VWF: variants seen among roughly 807,000 people sequenced by gnomAD.
The protein encoded by VWF is von Willebrand factor, also known as Factor VIII related antigen.
Under a neutral mutation model 308.6 loss-of-function variants are expected in VWF, and 176 were observed. The ratio of observed to expected loss-of-function variants is 0.57; its 90% CI spans 0.50 to 0.65. The LOEUF (loss-of-function observed/expected upper bound fraction) is 0.65, where lower values mean the gene tolerates loss of function less well. Ranked by LOEUF, VWF falls within the 30% of genes least tolerant of loss-of-function variation. The probability of loss-of-function intolerance (pLI) is 0.00; values close to 1 mark genes in which losing one functional copy is unlikely to be tolerated. For synonymous variants in VWF, 1,385 were observed against 1,443.4 expected (o/e 0.96, Z 0.92); for missense variants, 3,146 against 3,648.2 (o/e 0.86, Z 3.55).
rs1944181710 is a variant in VWF, at chr12:6,025,631, A to C, written c.3171T>G (p.Asp1057Glu). The C allele has an allele frequency of 6.4e-7, 1 of 1,570,502 alleles. No homozygotes were observed. Among genetic ancestry groups the C allele is most frequent in the Admixed American group, 1.7e-5 (1 of 59,060 alleles). Reference protein sequence around the residue: ...HNNIMKQTMVDSSCRILTSDV... With the variant: ...HNNIMKQTMVESSCRILTSDV... ...CACTGGTAAGGATTCTACAGGAGGA[A>C]TCCACCATCGTCTGCTTCATGATGT... is the stretch of plus-strand genomic sequence containing the variant. Residue 1057 changes from aspartate (D) to glutamate (E), a missense_variant, in exon 24 of 52, where the codon GAT becomes GAG. By Grantham distance (45) the Asp-to-Glu change is conservative. Coordinates refer to ENST00000261405, the MANE Select transcript of VWF (RefSeq NM_000552.5).
chr12:5,962,308 C>T (rs1041648974), intron 47 of VWF, among the ~76,000 whole-genome samples: 1 of 152,086 alleles, frequency 6.6e-6, no homozygotes, highest in African/African-American at 2.4e-5. Context: ...ACACTTTAAA[C>T]ATTTTTTTAA....
intron 6 of VWF, among the ~76,000 whole-genome samples, chr12:6,091,674 G>T (rs1400366997): frequency 6.6e-6 from 1 of 152,176 alleles, no homozygotes; most frequent in Admixed American, 6.5e-5. Context: ...CTCCTGAGCA[G>T]CTGGGTCTAC....
rs752024798 is a variant in VWF, at chr12:6,033,164, C to T, written c.2685+1524G>A. Among the ~76,000 whole-genome samples the T allele has an allele frequency of 2.6e-5, 4 of 152,246 alleles. 1 individual carries two copies. The highest frequency in any genetic ancestry group is 1.3e-4 in the Admixed American group (2 of 15,304). ...GGCTTTGTGTTAGGTCGATGCATGG[C>T]GAAGGTTAAAAGAGGAAACAAGGGT... On this transcript the variant is annotated intron_variant, in intron 20 of 51. Transcript: ENST00000261405.
rs1471422824 is a variant in VWF at position 6,076,790 on chromosome 12, C to T, written c.658-1239G>A. On this transcript the variant is annotated intron_variant, in intron 6 of 51. Coordinates refer to ENST00000261405, the MANE Select transcript of VWF (RefSeq NM_000552.5). ...TGTACCAAGGGTCTCCAGAGCAAGC[C>T]TGTATAAATCTACAGTCGGGGCCAG... Among the ~76,000 whole-genome samples the T allele has an allele frequency of 3.3e-5, 5 of 152,338 alleles. No homozygotes were observed. The East Asian group carries it at 7.7e-4, about 23-fold the overall frequency.
chr12:6,074,722 G>A (rs1944821617), intron 7 of VWF, among the ~76,000 whole-genome samples: 1 of 152,116 alleles, frequency 6.6e-6, no homozygotes, highest in African/African-American at 2.4e-5. Flanking sequence ...AAGGGCTGGG[G>A]AAAGAGGAGA....
chr12:6,043,041 A>G (rs1944411203), intron 18 of VWF, among the ~76,000 whole-genome samples: 1 of 152,076 alleles, frequency 6.6e-6, no homozygotes, highest in Admixed American at 6.5e-5. Context: ...GAGATTCCCC[A>G]CCTTAGAGAC....
At chr12:6,021,165 A>G (rs993787123) in intron 27 of VWF, 5 of 152,430 alleles carry the variant, frequency 3.3e-5, no homozygotes, top group African/African-American at 1.2e-4. Context: ...TGGTGGCGGC[A>G]GGATCTGACT....
chr12:6,016,713 C>T (rs776590397), intron 29 of VWF, 41 bp downstream of exon 29: 1 of 1,614,214 alleles, frequency 6.2e-7, no homozygotes, highest in Non-Finnish European at 8.5e-7. Flanking sequence ...ACAAAAAGAG[C>T]CTCTTCGTCA....
At chr12:5,964,500 C>CT (rs1943376171) in intron 47 of VWF, among the ~76,000 whole-genome samples, 1 of 152,146 alleles carries the variant, frequency 6.6e-6, no homozygotes, top group South Asian at 2.1e-4. Context: ...TGTTGTCATT[C>CT]TTTTTCTCAT....
chr12:5,964,294 A>ACATGCATACATACATACATACATACATG, intron 47 of VWF, among the ~76,000 whole-genome samples: 1 of 150,012 alleles, frequency 6.7e-6, no homozygotes, highest in South Asian at 2.1e-4. Flanking sequence ...ATGCATACAT[A>ACATGCATACATACATACATACATACATG]CATACAAAAA....
In VWF at chr12:6,046,038, C is replaced by T. The variant is rs564536702; in HGVS notation, c.2281+685G>A. On this transcript the variant is annotated intron_variant, in intron 17 of 51. Coordinates refer to ENST00000261405, the MANE Select transcript of VWF (RefSeq NM_000552.5). The surrounding 1 kb of genome is among the most constrained non-coding windows in gnomAD (Gnocchi z 5.0). Reference sequence around the variant, plus strand: ...AGGAGTTCAAGACCAGCCTGGCCAACATGGCAAAACCCCGTCTCTACTAAA... The same window carrying T: ...AGGAGTTCAAGACCAGCCTGGCCAATATGGCAAAACCCCGTCTCTACTAAA... 6.6e-6 allele frequency among the ~76,000 whole-genome samples: 1 copy of T among 152,260 alleles called. No homozygotes were observed. Among genetic ancestry groups the T allele is most frequent in the African/African-American group, 2.4e-5 (1 of 41,558 alleles).
chr12:6,049,635 A>G (rs926382675), intron 16 of VWF, among the ~76,000 whole-genome samples: 2 of 152,234 alleles, frequency 1.3e-5, no homozygotes, highest in African/African-American at 2.4e-5. Flanking sequence ...TGGCTGATTT[A>G]GGAAAGTGAT....
chr12:5,952,578 C>T, intron 48 of VWF, 59 bp from the exon 49 acceptor site: 15 of 1,596,692 alleles, frequency 9.4e-6, no homozygotes, highest in Non-Finnish European at 8.5e-6. Flanking sequence ...AAAGCCACTT[C>T]AAACCATGAG....
At position 6,044,806 on chromosome 12, in the gene VWF, A is replaced by T. The variant is rs79755923; in HGVS notation, c.2282-355T>A. On this transcript the variant is annotated intron_variant, in intron 17 of 51. Transcript: ENST00000261405. ...TGAAAAGACCTGAGTTTGGGTGCTA[A>T]AAAGGAGTTTTAATGGACCCAACAG... Among the ~76,000 whole-genome samples, 883 of 152,328 alleles carry T rather than the reference A, an allele frequency of 5.8e-3. 9 individuals are homozygous for T. Among genetic ancestry groups the T allele is most frequent in the African/African-American group, 0.018 (753 of 41,568 alleles).
chr12:5,949,337 G>A (rs1040076213), intron 51 of VWF, 134 bp from the exon 52 acceptor site: 48 of 820,220 alleles, frequency 5.9e-5, no homozygotes, highest in African/African-American at 5.7e-4. Flanking sequence ...GAAGCACCCA[G>A]GACAGCTAGG....
At chr12:6,027,144 C>T (rs1314200607) in intron 22 of VWF, among the ~76,000 whole-genome samples, 1 of 152,182 alleles carries the variant, frequency 6.6e-6, no homozygotes, top group Non-Finnish European at 1.5e-5. Flanking sequence ...CTTCCCATGG[C>T]CTAGTAGCCC....
At chr12:6,111,675 G>A (rs1945309203) in intron 3 of VWF, among the ~76,000 whole-genome samples, 1 of 152,102 alleles carries the variant, frequency 6.6e-6, no homozygotes. Flanking sequence ...TATCGGTCGA[G>A]TGCGGTGGCT....
rs377299291 is a variant in VWF, at chr12:6,063,091, G to A, written c.1433-37C>T. ...CAGGACAGGACTCAGGCAGAGGTGG[G>A]GAGAGGACAGGGTGGTGGCAGGCAG... On this transcript the variant is annotated intron_variant, in intron 12 of 51. Transcript: ENST00000261405. The surrounding 1 kb of genome is among the most constrained non-coding windows in gnomAD (Gnocchi z 4.9). 1 of 1,565,058 alleles carries A rather than the reference G, an allele frequency of 6.4e-7. No individual in the cohort carries two copies. Among genetic ancestry groups the A allele is most frequent in the South Asian group, 1.1e-5 (1 of 89,652 alleles).
At chr12:6,021,663 G>A in intron 27 of VWF, 2 of 530,728 alleles carry the variant, frequency 3.8e-6, no homozygotes, top group East Asian at 7.0e-5. Context: ...AAACACTGTG[G>A]AGGAATATAT....
Sources: gnomAD v4.1 joint callset for allele counts (sites outside exome capture counted in the v4.1 genomes callset) on GRCh38, gnomAD v4.1.1 for gene constraint, Gnocchi (gnomAD v3.1) non-coding constraint, MANE v1.5 for transcripts, NCBI Gene and HGNC (gene_info 2026-07-23, HGNC 2026-07-21) for gene names.